Variants in ANKRD17 observed in about 807,000 individuals in gnomAD.
The protein encoded by ANKRD17 is ankyrin repeat domain 17.
A neutral mutation model predicts 229.7 loss-of-function variants in ANKRD17; 19 were observed. The ratio of observed to expected loss-of-function variants is 0.08; its 90% CI spans 0.06 to 0.12. The LOEUF (loss-of-function observed/expected upper bound fraction) is 0.12. Among genes scored for constraint, ANKRD17 ranks in the 10% least tolerant of loss-of-function variants. The pLI is 1.00. For missense variants in ANKRD17, 2,176 were observed against 3,176.8 expected (o/e 0.68, Z 7.57); for synonymous variants, 1,112 against 1,146.1 (o/e 0.97, Z 0.60).
In ANKRD17 at chr4:73,073,445, A is replaced by G. The variant is rs1222045069; in HGVS notation, c.*2786T>C. ...TTTATAACTTTGAGTTTTCCTGTTT[A>G]GTCTAACACTGTACTGTTTTAAAAA... On this transcript the variant is annotated 3_prime_UTR_variant, in exon 34 of 34. Transcript: ENST00000358602. 6.6e-6 allele frequency: 1 copy of G among 152,122 alleles called. No individual in the cohort carries two copies. Among genetic ancestry groups the G allele is most frequent in the Non-Finnish European group, 1.5e-5 (1 of 67,950 alleles). The allele number at this position is 152,122 out of a possible 1,614,324, so 9.4% of individuals were successfully genotyped here.
chr4:73,126,429 TGG>T, intron 16 of ANKRD17, among the ~76,000 whole-genome samples: 1 of 152,038 alleles, frequency 6.6e-6, no homozygotes, highest in African/African-American at 2.4e-5. Flanking sequence ...TTAGCAGTTG[TGG>T]ACCCACCTAA....
At chr4:73,146,933 G>A (rs932305842) in intron 9 of ANKRD17, 60 bp from the exon 10 acceptor site, 32 of 1,384,866 alleles carry the variant, frequency 2.3e-5, no homozygotes, top group African/African-American at 5.8e-5. Flanking sequence ...CATATATGAC[G>A]AAAATAAAAA....
chr4:73,145,218 G>A (rs980788282), intron 10 of ANKRD17, among the ~76,000 whole-genome samples: 2 of 152,096 alleles, frequency 1.3e-5, no homozygotes, highest in Non-Finnish European at 1.5e-5. Context: ...TCAATATAAT[G>A]AGCATTATCC....
chr4:73,096,436 A>C (rs1213588468), intron 27 of ANKRD17, among the ~76,000 whole-genome samples: 1 of 152,236 alleles, frequency 6.6e-6, no homozygotes, highest in East Asian at 1.9e-4. Context: ...GATTTGGTCT[A>C]AAATACGGAG....
In ANKRD17 at chr4:73,240,797, G is replaced by A. The variant is rs114290890; in HGVS notation, c.393+17479C>T. On this transcript the variant is annotated intron_variant, in intron 1 of 33. Coordinates refer to ENST00000358602, the MANE Select transcript of ANKRD17 (RefSeq NM_032217.5). ...CAGGCCTTCAGCTTATATAAATTCA[G>A]TACTTATTCTTTTTTTTTTTTTTTT... Among the ~76,000 whole-genome samples the A allele has an allele frequency of 1.9e-3, 281 of 149,060 alleles. 1 individual carries two copies. Among genetic ancestry groups the A allele is most frequent in the African/African-American group, 6.6e-3 (269 of 40,514 alleles).
intron 1 of ANKRD17, among the ~76,000 whole-genome samples, chr4:73,213,279 T>C (rs1740565827): frequency 6.6e-6 from 1 of 152,098 alleles, no homozygotes; most frequent in African/African-American, 2.4e-5. Flanking sequence ...GTTAGATGAA[T>C]AAGGTCAAGA....
chr4:73,253,276 T>C (rs777773820), intron 1 of ANKRD17, among the ~76,000 whole-genome samples: 10 of 152,234 alleles, frequency 6.6e-5, no homozygotes, highest in Non-Finnish European at 7.3e-5. Context: ...CCCAAACTTA[T>C]AATATTTATT....
chr4:73,147,137 C>G, intron 9 of ANKRD17, 104 bp downstream of exon 9: 1 of 1,130,806 alleles, frequency 8.8e-7, no homozygotes, highest in Non-Finnish European at 1.2e-6. Flanking sequence ...TTTTTTTAAA[C>G]TCACACATTC....
intron 25 of ANKRD17, among the ~76,000 whole-genome samples, chr4:73,101,839 A>AT (rs1724038847): frequency 6.6e-6 from 1 of 152,140 alleles, no homozygotes; most frequent in Non-Finnish European, 1.5e-5. Context: ...TCAGGTATTC[A>AT]TTTTATCATC....
chr4:73,258,792 C>T lies in ANKRD17; in HGVS notation c.-124G>A, dbSNP rs1231446170. 2.3e-6 allele frequency: 3 copies of T among 1,278,722 alleles called. No homozygotes were observed. Among genetic ancestry groups the T allele is most frequent in the Non-Finnish European group, 3.0e-6 (3 of 1,014,704 alleles). The allele number at this position is 1,278,722 out of a possible 1,614,324, so 79.2% of individuals were successfully genotyped here. A position where few individuals can be genotyped will look rare whatever the true frequency, so the allele number is the denominator to read the frequency against. Reference sequence around the variant, plus strand: ...CCTCCGCCGCCACCGCCTCGGTCACCTCTACTGCCGCCGCCGCCGCCGCCG... The same window carrying T: ...CCTCCGCCGCCACCGCCTCGGTCACTTCTACTGCCGCCGCCGCCGCCGCCG... On this transcript the variant is annotated 5_prime_UTR_variant, in exon 1 of 34. Transcript: ENST00000358602.
At chr4:73,185,940 C>A (rs759804049) in intron 1 of ANKRD17, among the ~76,000 whole-genome samples, 26 of 151,884 alleles carry the variant, frequency 1.7e-4, no homozygotes, top group Non-Finnish European at 2.7e-4. Flanking sequence ...CATTTTATGA[C>A]AGTGACTGAA....
chr4:73,235,400 C>T (rs1037901304), intron 1 of ANKRD17, among the ~76,000 whole-genome samples: 1 of 152,196 alleles, frequency 6.6e-6, no homozygotes, highest in Non-Finnish European at 1.5e-5. Flanking sequence ...ATCTATGCAC[C>T]TAAGTTGTAG....
intron 30 of ANKRD17, among the ~76,000 whole-genome samples, chr4:73,082,156 TAAAA>T (rs11367760): frequency 2.3e-5 from 3 of 129,066 alleles, no homozygotes; most frequent in African/African-American, 2.9e-5. Flanking sequence ...TCTTTTTATT[TAAAA>T]AAAAAAAAAA....
chr4:73,256,251 G>A (rs1019088634), intron 1 of ANKRD17, among the ~76,000 whole-genome samples: 1 of 152,120 alleles, frequency 6.6e-6, no homozygotes, highest in African/African-American at 2.4e-5. Context: ...ATGATTTAAG[G>A]AATTACTAAA....
rs540273327 is a variant in ANKRD17 at position 73,168,775 on chromosome 4, G to A, written c.548-7427C>T. Among the ~76,000 whole-genome samples the A allele has an allele frequency of 3.9e-5, 6 of 152,296 alleles. No homozygotes were observed. In the East Asian group the frequency reaches 1.2e-3, roughly 29 times the overall value. On this transcript the variant is annotated intron_variant, in intron 2 of 33. Coordinates refer to ENST00000358602, the MANE Select transcript of ANKRD17 (RefSeq NM_032217.5). ...GTTTCTGTTTAAATGTACGTTTTTT[G>A]TGTGTGTCCTTCCAACTTTTATTTT...
chr4:73,113,497 T>A (rs1725575905), intron 24 of ANKRD17, among the ~76,000 whole-genome samples: 1 of 152,202 alleles, frequency 6.6e-6, no homozygotes, highest in South Asian at 2.1e-4. Flanking sequence ...CAGATGTGGT[T>A]GAGGATTAAG....
intron 14 of ANKRD17, among the ~76,000 whole-genome samples, chr4:73,140,926 A>G (rs1729516583): frequency 6.6e-6 from 1 of 152,228 alleles, no homozygotes; most frequent in Non-Finnish European, 1.5e-5. Flanking sequence ...AAGATGCTGG[A>G]CTATGCCATC....
Position 73,078,727 on chromosome 4 carries a change from T to C in ANKRD17, c.7323A>G (p.Ser2441=). Residue 2441 remains serine (S), a synonymous_variant, in exon 31 of 34, where the codon TCA becomes TCG. Transcript: ENST00000358602. ...RSARIRQTGT[S]APSVIGSNLS... ...AATTGCTCCCAATAACAGATGGAGC[T>C]GACGTTCCAGTTTGCCTGATACGTG... The C allele has an allele frequency of 6.2e-7, 1 of 1,614,182 alleles. No individual in the cohort carries two copies.
chr4:73,188,607 A>T (rs1376764972), intron 1 of ANKRD17, among the ~76,000 whole-genome samples: 2 of 152,134 alleles, frequency 1.3e-5, no homozygotes, highest in Admixed American at 6.6e-5. Context: ...AAGAAAAGAA[A>T]AATTTAGAGC....
Sources: gnomAD v4.1 joint callset for allele counts (sites outside exome capture counted in the v4.1 genomes callset) on GRCh38, gnomAD v4.1.1 for gene constraint, MANE v1.5 for transcripts, NCBI Gene and HGNC (gene_info 2026-07-23, HGNC 2026-07-21) for gene names.